The following PRKN variants were observed in gnomAD, a reference collection of about 807,000 sequenced individuals.
PRKN encodes the protein E3 ubiquitin-protein ligase parkin.
PRKN carries 56 observed loss-of-function variants against 59.5 expected under a neutral mutation model. That is an observed-to-expected ratio of 0.94 (90% CI 0.76 to 1.18). The LOEUF is 1.18. Among genes scored for constraint, PRKN ranks in the 50% most tolerant of loss-of-function variants. The pLI is 0.00. For synonymous variants in PRKN, 250 were observed against 222.1 expected (o/e 1.13, Z -1.12); for missense variants, 657 against 596.4 (o/e 1.10, Z -1.06).
chr6:162,329,929 G>T (rs79932880), intron 2 of PRKN, among the ~76,000 whole-genome samples: 3 of 152,044 alleles, frequency 2.0e-5, no homozygotes, highest in Non-Finnish European at 2.9e-5. Flanking sequence ...TATCAGAAAC[G>T]GTATCCAATC....
At chr6:162,637,185 A>G (rs1777749375) in intron 1 of PRKN, among the ~76,000 whole-genome samples, 1 of 151,548 alleles carries the variant, frequency 6.6e-6, no homozygotes, top group Non-Finnish European at 1.5e-5. Context: ...TGAACCCGGG[A>G]GGCAGAGGTT....
chr6:161,535,458 T>C (rs1258951495), intron 9 of PRKN, among the ~76,000 whole-genome samples: 1 of 152,172 alleles, frequency 6.6e-6, no homozygotes, highest in Non-Finnish European at 1.5e-5. Context: ...ATTTGAGTAA[T>C]GATAAAAGGA....
chr6:162,677,469 A>G (rs1246406220), intron 1 of PRKN, among the ~76,000 whole-genome samples: 19 of 23,732 alleles, frequency 8.0e-4, no homozygotes, highest in Non-Finnish European at 1.2e-3. Flanking sequence ...CTGTGGAGAA[A>G]AAAAAAAAAA....
At chr6:162,481,397 G>T (rs901370938) in intron 1 of PRKN, among the ~76,000 whole-genome samples, 4 of 152,102 alleles carry the variant, frequency 2.6e-5, no homozygotes, top group African/African-American at 9.7e-5. Context: ...ACATTTTAAG[G>T]TTTCTCTTAA....
At chr6:161,847,986 C>T (rs141693605) in intron 6 of PRKN, among the ~76,000 whole-genome samples, 3,846 of 152,194 alleles carry the variant, frequency 0.025, 72 homozygotes, top group South Asian at 0.047. Context: ...TCAGTGACCT[C>T]GCTGTTAGAG....
intron 1 of PRKN, among the ~76,000 whole-genome samples, chr6:162,565,286 C>T (rs978481088): frequency 6.6e-6 from 1 of 152,244 alleles, no homozygotes; most frequent in African/African-American, 2.4e-5. Flanking sequence ...CAGAGAAAAT[C>T]ACCTCTGCTA....
chr6:162,451,286 C>T (rs1249935675), intron 1 of PRKN, among the ~76,000 whole-genome samples: 2 of 134,368 alleles, frequency 1.5e-5, no homozygotes, highest in Non-Finnish European at 3.2e-5. Context: ...TCAAGTGAGA[C>T]AAAACCCTGA....
chr6:162,669,815 C>T (rs973318283), intron 1 of PRKN, among the ~76,000 whole-genome samples: 6 of 152,100 alleles, frequency 3.9e-5, no homozygotes, highest in African/African-American at 1.4e-4. Context: ...TACAAATTTC[C>T]AATCTTGTAA....
At chr6:161,702,542 A>AG (rs1786297107) in intron 7 of PRKN, among the ~76,000 whole-genome samples, 2 of 151,310 alleles carry the variant, frequency 1.3e-5, no homozygotes, top group African/African-American at 4.9e-5. Flanking sequence ...GAATGGGGGG[A>AG]GGGGGAGGAG....
At chr6:162,036,148 C>A (rs1410942323) in intron 5 of PRKN, among the ~76,000 whole-genome samples, 2 of 151,616 alleles carry the variant, frequency 1.3e-5, no homozygotes, top group African/African-American at 2.4e-5. Flanking sequence ...CACAGTGAAA[C>A]CCCGTCTCTA....
In PRKN at chr6:161,353,008, GACCTC is replaced by G. The variant is rs1219295146; in HGVS notation, c.1286-2802_1286-2798del. Among the ~76,000 whole-genome samples, 1 of 152,036 alleles carries G rather than the reference GACCTC, an allele frequency of 6.6e-6. No individual in the cohort carries two copies. The highest frequency in any genetic ancestry group is 1.5e-5 in the Non-Finnish European group (1 of 68,030). On this transcript the variant is annotated intron_variant, in intron 11 of 11. Coordinates refer to ENST00000366898, the MANE Select transcript of PRKN (RefSeq NM_004562.3). This position sits in a 1 kb window ranked among gnomAD's most constrained non-coding sequence, Gnocchi z 4.8. ...TTGACCAGGCTGGTCTCAAACTCCT[GACCTC>G]GTGATCTGCCTGCCTTGGCCTCCCA...
At chr6:162,167,847 A>G (rs1199336064) in intron 4 of PRKN, among the ~76,000 whole-genome samples, 2 of 152,136 alleles carry the variant, frequency 1.3e-5, no homozygotes, top group Non-Finnish European at 2.9e-5. Flanking sequence ...TTCTTTCTTG[A>G]TTCTGTTCAT....
intron 2 of PRKN, among the ~76,000 whole-genome samples, chr6:162,348,252 C>T (rs1033912941): frequency 1.3e-5 from 2 of 152,120 alleles, no homozygotes; most frequent in African/African-American, 4.8e-5. Flanking sequence ...ACAGTAAGTC[C>T]TAGACTGACC....
chr6:161,541,394 C>T (rs1258859868), intron 9 of PRKN, among the ~76,000 whole-genome samples: 1 of 152,222 alleles, frequency 6.6e-6, no homozygotes, highest in East Asian at 1.9e-4. Context: ...GCAATCTTCA[C>T]AAGAAGTCTG....
chr6:162,645,627 T>C (rs1239777251), intron 1 of PRKN, among the ~76,000 whole-genome samples: 1 of 152,210 alleles, frequency 6.6e-6, no homozygotes, highest in Non-Finnish European at 1.5e-5. Flanking sequence ...AAAAAAGTGC[T>C]TTTTGAAATA....
At chr6:161,946,931 G>A (rs187554542) in intron 6 of PRKN, among the ~76,000 whole-genome samples, 35 of 152,270 alleles carry the variant, frequency 2.3e-4, no homozygotes, top group Admixed American at 1.0e-3. Context: ...TGTAAAAAGC[G>A]CGTTGCAAAA....
intron 1 of PRKN, among the ~76,000 whole-genome samples, chr6:162,580,714 C>T (rs1780757537): frequency 6.6e-6 from 1 of 152,166 alleles, no homozygotes; most frequent in African/African-American, 2.4e-5. Flanking sequence ...GGCCCCTTTC[C>T]CACAGAAACC....
At chr6:162,193,737 GTT>G (rs1784384530) in intron 4 of PRKN, among the ~76,000 whole-genome samples, 1 of 152,086 alleles carries the variant, frequency 6.6e-6, no homozygotes, top group African/African-American at 2.4e-5. Context: ...TTACCTAATC[GTT>G]TACTCAAAAG....
intron 7 of PRKN, among the ~76,000 whole-genome samples, chr6:161,647,035 A>C (rs1268065444): frequency 1.3e-5 from 2 of 152,194 alleles, no homozygotes; most frequent in Non-Finnish European, 2.9e-5. Context: ...GAGACATTGA[A>C]TGTTGATATT....
Sources: gnomAD v4.1 joint callset for allele counts (sites outside exome capture counted in the v4.1 genomes callset) on GRCh38, gnomAD v4.1.1 for gene constraint, Gnocchi (gnomAD v3.1) non-coding constraint, MANE v1.5 for transcripts, NCBI Gene and HGNC (gene_info 2026-07-23, HGNC 2026-07-21) for gene names.